The following PAK4 variants were observed in gnomAD, a reference collection of about 807,000 sequenced individuals.
PAK4 encodes p21 (RAC1) activated kinase 4.
PAK4 carries 49 observed loss-of-function variants against 53.5 expected under a neutral mutation model. The ratio of observed to expected loss-of-function variants is 0.92; its 90% CI spans 0.73 to 1.16. The LOEUF (loss-of-function observed/expected upper bound fraction) is 1.16, where lower values mean the gene tolerates loss of function less well. Among genes scored for constraint, PAK4 ranks in the 50% most tolerant of loss-of-function variants. The pLI is 0.00. For missense variants in PAK4, 824 were observed against 850.7 expected (o/e 0.97, Z 0.39); for synonymous variants, 376 against 375.6 (o/e 1.00, Z -0.01).
At chr19:39,143,443 A>T (rs1568502999) in intron 1 of PAK4, among the ~76,000 whole-genome samples, 1 of 151,628 alleles carries the variant, frequency 6.6e-6, no homozygotes, top group Non-Finnish European at 1.5e-5. Flanking sequence ...ATACAAAAAA[A>T]TTAGCTTGGC....
At chr19:39,154,259 C>T (rs1267368063) in intron 1 of PAK4, among the ~76,000 whole-genome samples, 1 of 152,178 alleles carries the variant, frequency 6.6e-6, no homozygotes, top group Non-Finnish European at 1.5e-5. Flanking sequence ...CCCACTTCCA[C>T]TCGATGCTGC....
intron 1 of PAK4, among the ~76,000 whole-genome samples, chr19:39,148,251 G>A (rs965656535): frequency 1.3e-5 from 2 of 150,812 alleles, no homozygotes; most frequent in South Asian, 2.1e-4. Flanking sequence ...CGTGCCTGGC[G>A]AGATCTTTAT....
Position 39,177,688 on chromosome 19 carries a change from C to A in PAK4, c.1499C>A (p.Ser500Ter). ...CTCCCGCCCCAGGTAGACATCTGGT[C>A]GCTGGGGATAATGGTGATTGAGATG... is the stretch of plus-strand genomic sequence containing the variant. Residue 500 changes from serine to a stop codon, truncating the protein, a stop_gained, in exon 8 of 9, where the codon TCG (serine) becomes TAG (stop). Coordinates refer to ENST00000358301, the Ensembl canonical transcript of PAK4. LOFTEE classifies it high-confidence loss of function. 6.2e-7 allele frequency: 1 copy of A among 1,612,972 alleles called. No individual in the cohort carries two copies. Among genetic ancestry groups the A allele is most frequent in the Non-Finnish European group, 8.5e-7 (1 of 1,179,284 alleles).
Position 39,178,235 on chromosome 19 carries a change from C to T in PAK4, c.1621-189C>T, listed in dbSNP as rs989001064. ...ACTTCCTCTGGGGCCACATAGTAAG[C>T]GCCATCACAGGTGCCATCACTGTCC... On this transcript the variant is annotated intron_variant, in intron 8 of 8. Transcript: ENST00000358301. The surrounding 1 kb of genome is among the most constrained non-coding windows in gnomAD (Gnocchi z 4.4). Among the ~76,000 whole-genome samples, 8 of 152,080 alleles carry T rather than the reference C, an allele frequency of 5.3e-5. No individual in the cohort carries two copies. The highest frequency in any genetic ancestry group is 2.6e-4 in the Admixed American group (4 of 15,282).
At chr19:39,159,914 G>T (rs1013327342) in intron 1 of PAK4, among the ~76,000 whole-genome samples, 2 of 152,222 alleles carry the variant, frequency 1.3e-5, no homozygotes, top group Admixed American at 6.5e-5. Flanking sequence ...CTGGATCTGT[G>T]TCTTTATGGG....
chr19:39,159,320 A>T (rs1171685933), intron 1 of PAK4, among the ~76,000 whole-genome samples: 1 of 152,218 alleles, frequency 6.6e-6, no homozygotes, highest in Non-Finnish European at 1.5e-5. Flanking sequence ...AGACATACTA[A>T]TTAAGGACTA....
Position 39,175,251 on chromosome 19 carries a change from TC to T in PAK4, c.1233-56del. 1 of 1,519,988 alleles carries T rather than the reference TC, an allele frequency of 6.6e-7. No individual in the cohort carries two copies. The highest frequency in any genetic ancestry group is 8.9e-7 in the Non-Finnish European group (1 of 1,121,516). 94.2% of individuals were successfully genotyped at this position (1,519,988 alleles called of 1,614,324 possible). On this transcript the variant is annotated intron_variant, in intron 5 of 8. Coordinates refer to ENST00000358301, the Ensembl canonical transcript of PAK4. This position sits in a 1 kb window ranked among gnomAD's most constrained non-coding sequence, Gnocchi z 4.7. ...CCTCCCACTGCAAGGCAGGGCTGCG[TC>T]CCCCTCGGCACCCCGGGGTGCTGTC...
In PAK4 at chr19:39,174,075, C is replaced by T. The variant is rs1347500322; in HGVS notation, c.1098+65C>T. 3.1e-5 allele frequency: 30 copies of T among 982,386 alleles called. 1 individual carries two copies. The highest frequency in any genetic ancestry group is 2.0e-4 in the African/African-American group (12 of 61,114). 60.9% of individuals were successfully genotyped at this position (982,386 alleles called of 1,614,324 possible). ...ACCCCTCCCTCCCACCCTCCCTCCC[C>T]TCCTCCCTCCTCTCCCTGCACTCCT... On this transcript the variant is annotated intron_variant, in intron 4 of 8. Transcript: ENST00000358301.
intron 1 of PAK4, among the ~76,000 whole-genome samples, chr19:39,134,279 G>A (rs111838807): frequency 5.3e-4 from 80 of 152,342 alleles, no homozygotes; most frequent in African/African-American, 1.8e-3. Flanking sequence ...GAATTACAAA[G>A]TGAACAACGC....
intron 1 of PAK4, among the ~76,000 whole-genome samples, chr19:39,147,975 G>T (rs2145176690): frequency 8.2e-6 from 1 of 121,772 alleles, no homozygotes; most frequent in South Asian, 2.9e-4. Context: ...TTTTTTAGAT[G>T]GAGTCTCACT....
At chr19:39,144,351 T>C (rs571327171) in intron 1 of PAK4, among the ~76,000 whole-genome samples, 2 of 152,316 alleles carry the variant, frequency 1.3e-5, no homozygotes, top group African/African-American at 4.8e-5. Context: ...CGCTGCCTTC[T>C]TTTGCACCAG....
intron 1 of PAK4, among the ~76,000 whole-genome samples, chr19:39,129,295 C>CT (rs551856598): frequency 7.2e-5 from 11 of 151,794 alleles, no homozygotes; most frequent in Non-Finnish European, 1.6e-4. Context: ...GATGGTGTTT[C>CT]TTTTTGTGAT....
chr19:39,162,697 GC>G (rs2074304476), intron 1 of PAK4, among the ~76,000 whole-genome samples: 1 of 152,190 alleles, frequency 6.6e-6, no homozygotes, highest in Non-Finnish European at 1.5e-5. Flanking sequence ...TACATTGACT[GC>G]CTCCTTCCTT....
intron 1 of PAK4, among the ~76,000 whole-genome samples, chr19:39,139,025 C>T: frequency 6.6e-6 from 1 of 152,284 alleles, no homozygotes; most frequent in East Asian, 1.9e-4. Flanking sequence ...ACAGCCGATT[C>T]CTCCCCTGAT....
At chr19:39,151,854 C>A (rs893792958) in intron 1 of PAK4, among the ~76,000 whole-genome samples, 1 of 152,190 alleles carries the variant, frequency 6.6e-6, no homozygotes. Flanking sequence ...CTGCAACCTC[C>A]GCTTCCTGGT....
chr19:39,169,547 C>G (rs373760840), exon 2 of PAK4: 2 of 1,612,226 alleles, frequency 1.2e-6, no homozygotes, highest in East Asian at 4.5e-5. Flanking sequence ...ACCGAGTCCC[C>G]GGCACCATGT....
chr19:39,161,763 C>T lies in PAK4; in HGVS notation c.-22-7769C>T, dbSNP rs907796347. Among the ~76,000 whole-genome samples, 4 of 151,904 alleles carry T rather than the reference C, an allele frequency of 2.6e-5. No homozygotes were observed. Among genetic ancestry groups the T allele is most frequent in the Admixed American group, 6.6e-5 (1 of 15,242 alleles). ...TCCTTCCACTTGCCCCCTCGCCCAC[C>T]CTGCTCCAGCCACGTGGCCTCCTCG... is the stretch of plus-strand genomic sequence containing the variant. On this transcript the variant is annotated intron_variant, in intron 1 of 8. Coordinates refer to ENST00000358301, the Ensembl canonical transcript of PAK4. The surrounding 1 kb of genome is among the most constrained non-coding windows in gnomAD (Gnocchi z 4.5).
intron 1 of PAK4, among the ~76,000 whole-genome samples, chr19:39,159,435 G>T (rs556759414): frequency 1.3e-5 from 2 of 152,306 alleles, no homozygotes; most frequent in East Asian, 1.9e-4. Flanking sequence ...GCCCAGGCTG[G>T]AGTGCAGTGG....
intron 1 of PAK4, among the ~76,000 whole-genome samples, chr19:39,162,718 G>A (rs1330188528): frequency 6.6e-6 from 1 of 152,208 alleles, no homozygotes; most frequent in Non-Finnish European, 1.5e-5. Context: ...TCTAGAATGT[G>A]AGTGCTGCGA....
Sources: allele counts gnomAD v4.1 joint callset (sites outside exome capture counted in the v4.1 genomes callset), GRCh38; gene constraint gnomAD v4.1.1; non-coding constraint Gnocchi (gnomAD v3.1); transcripts MANE v1.5; gene names NCBI Gene and HGNC (gene_info 2026-07-23, HGNC 2026-07-21).